CCNY: variants seen among roughly 807,000 people sequenced by gnomAD.
CCNY encodes the protein cyclin-Y.
In CCNY, 19 loss-of-function variants were observed where a neutral mutation model predicts 42.8. The ratio of observed to expected loss-of-function variants is 0.44; its 90% CI spans 0.31 to 0.65. The LOEUF is 0.65. CCNY is among the 30% of genes least tolerant of loss of function. The pLI is 0.07. For synonymous variants in CCNY, 165 were observed against 162.7 expected (o/e 1.01, Z -0.11); for missense variants, 370 against 437.3 (o/e 0.85, Z 1.37).
chr10:35,256,845 C>T (rs1172125659), intron 3 of CCNY, among the ~76,000 whole-genome samples: 3 of 151,568 alleles, frequency 2.0e-5, no homozygotes, highest in African/African-American at 7.3e-5. Context: ...CTGCCCCAAG[C>T]CATAAACTAA....
At chr10:35,459,967 T>C (rs1417954665) in intron 1 of CCNY, among the ~76,000 whole-genome samples, 3 of 152,078 alleles carry the variant, frequency 2.0e-5, no homozygotes, top group African/African-American at 7.2e-5. Flanking sequence ...CTGGCTGAGG[T>C]AGATATAAAT....
chr10:35,399,499 T>C (rs1038940224), intron 1 of CCNY, among the ~76,000 whole-genome samples: 2 of 152,194 alleles, frequency 1.3e-5, no homozygotes, highest in African/African-American at 4.8e-5. Context: ...GACACAACGC[T>C]GTTTAATTCA....
At chr10:35,343,550 C>T (rs549183612) in intron 1 of CCNY, among the ~76,000 whole-genome samples, 8 of 152,046 alleles carry the variant, frequency 5.3e-5, no homozygotes, top group East Asian at 1.9e-4. Flanking sequence ...CCACCACGTC[C>T]GGCTAATTTT....
intron 2 of CCNY, among the ~76,000 whole-genome samples, chr10:35,494,234 AC>A (rs3067564): frequency 0.018 from 2,004 of 109,800 alleles, 94 homozygotes; most frequent in African/African-American, 0.062. Flanking sequence ...GCATAGTGAG[AC>A]CCCCCCCCCC....
chr10:35,419,888 C>T (rs1045890460), intron 1 of CCNY, among the ~76,000 whole-genome samples: 1 of 147,998 alleles, frequency 6.8e-6, no homozygotes, highest in African/African-American at 2.5e-5. Flanking sequence ...TCTAGGCAAA[C>T]TTTATAATTA....
intron 7 of CCNY, among the ~76,000 whole-genome samples, chr10:35,540,847 GTAAAGTC>G (rs1840984857): frequency 6.6e-6 from 1 of 151,858 alleles, no homozygotes; most frequent in Non-Finnish European, 1.5e-5. Flanking sequence ...TTTTATTTCT[GTAAAGTC>G]TATAATGTCC....
chr10:35,422,303 T>C (rs1838176053), intron 1 of CCNY, among the ~76,000 whole-genome samples: 1 of 152,200 alleles, frequency 6.6e-6, no homozygotes, highest in Non-Finnish European at 1.5e-5. Flanking sequence ...GTTAGCTTTT[T>C]CATATGATAT....
chr10:35,361,964 T>G (rs1237862087), intron 1 of CCNY, among the ~76,000 whole-genome samples: 1 of 152,212 alleles, frequency 6.6e-6, no homozygotes, highest in Non-Finnish European at 1.5e-5. Context: ...CACCTGACAC[T>G]TTTGCTTTCT....
At chr10:35,380,264 T>C (rs1317212250) in intron 1 of CCNY, among the ~76,000 whole-genome samples, 2 of 152,218 alleles carry the variant, frequency 1.3e-5, no homozygotes, top group African/African-American at 4.8e-5. Flanking sequence ...CATTGAAGCA[T>C]TTATGTGTGA....
At chr10:35,370,667 A>G (rs1426141183) in intron 1 of CCNY, among the ~76,000 whole-genome samples, 1 of 151,864 alleles carries the variant, frequency 6.6e-6, no homozygotes, top group Non-Finnish European at 1.5e-5. Context: ...TTTCCCTATT[A>G]CAACACTTTT....
chr10:35,550,194 G>T (rs929858688), intron 7 of CCNY, among the ~76,000 whole-genome samples: 1 of 144,316 alleles, frequency 6.9e-6, no homozygotes, highest in Non-Finnish European at 1.5e-5. Context: ...CATGACACAT[G>T]ACCCTACAGT....
intron 2 of CCNY, among the ~76,000 whole-genome samples, chr10:35,501,044 G>A (rs1483506712): frequency 6.6e-6 from 1 of 152,166 alleles, no homozygotes; most frequent in Non-Finnish European, 1.5e-5. Context: ...TGCTGCTGAT[G>A]TACATCGTCT....
chr10:35,300,693 GCTTGCAGAC>G (rs1835523630), intron 3 of CCNY, among the ~76,000 whole-genome samples: 1 of 152,108 alleles, frequency 6.6e-6, no homozygotes, highest in African/African-American at 2.4e-5. Context: ...GGTTACATGT[GCTTGCAGAC>G]ATACTGCTTA....
intron 1 of CCNY, among the ~76,000 whole-genome samples, chr10:35,419,101 C>T (rs187193414): frequency 3.8e-4 from 58 of 152,278 alleles, no homozygotes; most frequent in African/African-American, 1.1e-3. Flanking sequence ...GCATGAGCCA[C>T]CGCACCCGGG....
chr10:35,272,078 C>T (rs558382431), intron 3 of CCNY, among the ~76,000 whole-genome samples: 25 of 152,290 alleles, frequency 1.6e-4, no homozygotes, highest in South Asian at 1.0e-3. Flanking sequence ...CCTCCGCCTG[C>T]CAGGTTCAAG....
At chr10:35,477,085 A>G (rs1273238036) in intron 1 of CCNY, among the ~76,000 whole-genome samples, 6 of 152,360 alleles carry the variant, frequency 3.9e-5, no homozygotes, top group Admixed American at 6.5e-5. Context: ...AGACTAAACC[A>G]GGAAGAAGTT....
At chr10:35,410,239 T>C (rs771374487) in intron 1 of CCNY, among the ~76,000 whole-genome samples, 5 of 151,970 alleles carry the variant, frequency 3.3e-5, no homozygotes, top group Non-Finnish European at 5.9e-5. Context: ...AAAATAGTTT[T>C]ACGTTTCAAA....
chr10:35,300,308 T>C (rs915181451), intron 3 of CCNY, among the ~76,000 whole-genome samples: 4 of 152,030 alleles, frequency 2.6e-5, no homozygotes, highest in Non-Finnish European at 5.9e-5. Flanking sequence ...ACGCCCTGCC[T>C]GAGATGCCAC....
rs957383323 is a variant in CCNY at position 35,513,449 on chromosome 10, C to T, written c.265-3074C>T. On this transcript the variant is annotated intron_variant, in intron 3 of 9. Transcript: ENST00000374704. ...CTTAGACATTTCCTTTTATGGTTTT[C>T]CAAAATGTTGCAGGCATTAGGCATA... 2.0e-5 allele frequency among the ~76,000 whole-genome samples: 3 copies of T among 152,124 alleles called. No homozygotes were observed. In the East Asian group the frequency reaches 5.8e-4, roughly 29 times the overall value.
Sources: gnomAD v4.1 joint callset for allele counts (sites outside exome capture counted in the v4.1 genomes callset) on GRCh38, gnomAD v4.1.1 for gene constraint, MANE v1.5 for transcripts, NCBI Gene and HGNC (gene_info 2026-07-23, HGNC 2026-07-21) for gene names.